API5: variants seen among roughly 807,000 people sequenced by gnomAD.
API5 encodes apoptosis inhibitor 5.
In API5, 6 loss-of-function variants were observed where a neutral mutation model predicts 71.9. The ratio of observed to expected loss-of-function variants is 0.08; its 90% CI spans 0.05 to 0.16. API5 has a LOEUF of 0.16. API5 is among the 10% of genes least tolerant of loss of function. The probability of loss-of-function intolerance (pLI) is 1.00; values close to 1 mark genes in which losing one functional copy is unlikely to be tolerated. For synonymous variants in API5, 189 were observed against 221.3 expected (o/e 0.85, Z 1.30); for missense variants, 332 against 612.8 (o/e 0.54, Z 4.84).
chr11:43,312,261 G>T, intron 1 of API5, 65 bp downstream of exon 1: 1 of 1,542,254 alleles, frequency 6.5e-7, no homozygotes, highest in Non-Finnish European at 8.9e-7. Context: ...AGCGCTTCCC[G>T]CCGCACTCCC....
intron 1 of API5, 85 bp from the exon 2 acceptor site, chr11:43,318,555 C>T (rs1854755422): frequency 3.2e-6 from 5 of 1,581,490 alleles, no homozygotes; most frequent in African/African-American, 2.7e-5. Context: ...ATTTAAAGCA[C>T]ACTCTAACAT....
intron 9 of API5, among the ~76,000 whole-genome samples, chr11:43,329,549 CAATG>C (rs1487752757): frequency 6.6e-6 from 1 of 152,092 alleles, no homozygotes; most frequent in Non-Finnish European, 1.5e-5. Flanking sequence ...TTTAATAAGA[CAATG>C]AATGTACAGC....
intron 10 of API5, 64 bp from the exon 11 acceptor site, chr11:43,330,444 C>T (rs2134368280): frequency 1.8e-6 from 2 of 1,136,886 alleles, no homozygotes; most frequent in East Asian, 2.4e-5. Flanking sequence ...AGTTCTATGA[C>T]AGAATGGATT....
chr11:43,342,857 A>G lies in API5; in HGVS notation c.*347A>G. On this transcript the variant is annotated 3_prime_UTR_variant, in exon 14 of 14. Transcript: ENST00000531273. ...ATTCAGTCTAGTTCTGCTGATAAAG[A>G]TCATCAGTTTTGAAAGGTTACTGAT... is the stretch of plus-strand genomic sequence containing the variant. 1.8e-6 allele frequency: 1 copy of G among 547,562 alleles called. No homozygotes were observed. The highest frequency in any genetic ancestry group is 3.2e-6 in the Non-Finnish European group (1 of 311,252). 33.9% of individuals were successfully genotyped at this position (547,562 alleles called of 1,614,324 possible). A position where few individuals can be genotyped will look rare whatever the true frequency, so the allele number is the denominator to read the frequency against.
At chr11:43,318,479 G>A in intron 1 of API5, 161 bp from the exon 2 acceptor site, 2 of 1,536,970 alleles carry the variant, frequency 1.3e-6, no homozygotes, top group South Asian at 1.2e-5. Context: ...ACGGAATTGG[G>A]AAGGTAAGTG....
Position 43,330,530 on chromosome 11 carries a change from T to G in API5, c.1244T>G (p.Leu415Trp). The G allele has an allele frequency of 6.2e-7, 1 of 1,600,116 alleles. No homozygotes were observed. The highest frequency in any genetic ancestry group is 8.6e-7 in the Non-Finnish European group (1 of 1,167,892). ...TAGAACAAGATTAAAGTCGTTGCAT[T>G]GAAAATAACAAACAATATCAATGTT... is the stretch of plus-strand genomic sequence containing the variant. ...TEENKIKVVALKITNNINVLI... is the reference protein window; with the variant it reads ...TEENKIKVVAWKITNNINVLI... The change falls in exon 11 of 14, where the codon TTG (leucine) becomes TGG (tryptophan). Residue 415 changes from leucine to tryptophan, a missense_variant. Around this residue, in one of 3 missense-constraint regions of API5, gnomAD observed 168 missense variants for 343.9 expected, o/e 0.49. Transcript: ENST00000531273.
At chr11:43,333,423 A>G (rs908481574) in intron 11 of API5, among the ~76,000 whole-genome samples, 1 of 152,160 alleles carries the variant, frequency 6.6e-6, no homozygotes, top group Non-Finnish European at 1.5e-5. Context: ...TAGTATGGGG[A>G]AAAATGAGGA....
At chr11:43,334,877 T>C (rs137922036) in intron 11 of API5, among the ~76,000 whole-genome samples, 26 of 152,322 alleles carry the variant, frequency 1.7e-4, no homozygotes, top group Non-Finnish European at 3.8e-4. Context: ...TTTTTCTAAT[T>C]TTGAACCACT....
chr11:43,321,302 T>C, intron 3 of API5, 109 bp from the exon 4 acceptor site: 1 of 921,174 alleles, frequency 1.1e-6, no homozygotes, highest in Non-Finnish European at 1.7e-6. Context: ...AAGTTATAAG[T>C]TTCCTGTCAA....
intron 8 of API5, 78 bp downstream of exon 8, chr11:43,327,956 A>G: frequency 1.2e-6 from 1 of 868,368 alleles, no homozygotes; most frequent in Middle Eastern, 2.3e-4. Context: ...TCTAGATTAC[A>G]AGAACCAGTT....
intron 3 of API5, 71 bp downstream of exon 3, chr11:43,320,985 G>T: frequency 7.6e-7 from 1 of 1,310,678 alleles, no homozygotes; most frequent in Non-Finnish European, 1.1e-6. Flanking sequence ...TCTGTTTTTA[G>T]GTTTTAAATG....
intron 13 of API5, chr11:43,339,437 A>G (rs1168826773): frequency 6.6e-6 from 1 of 152,208 alleles, no homozygotes; most frequent in Non-Finnish European, 1.5e-5. Flanking sequence ...AAGAGATTTG[A>G]TCTCATTTAC....
In API5 at chr11:43,330,051, C is replaced by T. The variant is rs192394283; in HGVS notation, c.1214C>T (p.Thr405Ile). Residue 405 changes from threonine to isoleucine, a missense_variant, in exon 10 of 14, where the codon ACA becomes ATA. Physicochemically the swap from Thr to Ile is moderately conservative, Grantham distance 89. This residue lies in a region of API5 where 168 missense variants were observed against 343.9 expected (regional missense o/e 0.49). Transcript: ENST00000531273. The part of the protein sequence containing the change: ...LQGKTGEALK[T>I]EENKIKVVAL... ...GGTAAAACGGGTGAGGCCTTAAAAACAGAAGAGGTAAGAATACTGGCTCAC... is the reference window on the plus strand; with the variant it reads ...GGTAAAACGGGTGAGGCCTTAAAAATAGAAGAGGTAAGAATACTGGCTCAC... 1 of 1,613,112 alleles carries T rather than the reference C, an allele frequency of 6.2e-7. No homozygotes were observed. The highest frequency in any genetic ancestry group is 8.5e-7 in the Non-Finnish European group (1 of 1,179,236).
chr11:43,337,007 C>CAAAAAAA (rs559170436), intron 13 of API5, among the ~76,000 whole-genome samples: 9 of 66,800 alleles, frequency 1.3e-4, no homozygotes, highest in Non-Finnish European at 1.7e-4. Context: ...GACTCCGTCT[C>CAAAAAAA]AAAAAAAAAA....
intron 5 of API5, 48 bp from the exon 6 acceptor site, chr11:43,323,382 C>T: frequency 6.8e-7 from 1 of 1,460,220 alleles, no homozygotes; most frequent in South Asian, 1.2e-5. Context: ...TTGATCTGTC[C>T]CATTCAAATG....
At chr11:43,339,019 G>A (rs1413168039) in intron 13 of API5, among the ~76,000 whole-genome samples, 3 of 152,138 alleles carry the variant, frequency 2.0e-5, no homozygotes. Context: ...TGCCCTCAGA[G>A]AAACCACCTC....
Position 43,321,452 on chromosome 11 carries a change from A to C in API5, c.367A>C (p.Ser123Arg). 6.2e-7 allele frequency: 1 copy of C among 1,611,420 alleles called. No homozygotes were observed. Among genetic ancestry groups the C allele is most frequent in the Non-Finnish European group, 8.5e-7 (1 of 1,178,506 alleles). Residue 123 changes from serine to arginine, a missense_variant, in exon 4 of 14, where the codon AGT becomes CGT. Physicochemically the swap from Ser to Arg is moderately radical, Grantham distance 110. Around this residue, in one of 3 missense-constraint regions of API5, gnomAD observed 127 missense variants for 237.6 expected, o/e 0.53. Coordinates refer to ENST00000531273, the MANE Select transcript of API5 (RefSeq NM_001142930.2). ...TAACCTAGTGAACAATGCCCTATTA[A>C]GTATATTTAAAATGGATGCAAAAGG... ...EFNLVNNALLSIFKMDAKGTL... is the reference protein window; with the variant it reads ...EFNLVNNALLRIFKMDAKGTL...
At chr11:43,330,940 A>C (rs984739603) in intron 11 of API5, among the ~76,000 whole-genome samples, 1 of 152,196 alleles carries the variant, frequency 6.6e-6, no homozygotes, top group South Asian at 2.1e-4. Flanking sequence ...TTACTTTTCA[A>C]TTCTGTTTAC....
chr11:43,343,970 G>A lies in API5; in HGVS notation c.*1460G>A, dbSNP rs1372171790. On this transcript the variant is annotated 3_prime_UTR_variant, in exon 14 of 14. Transcript: ENST00000531273. ...CCTTTATTAGAATTACTGCACATGTGTATGGGGAAAATAGTTCTGAAAGGC... is the reference window on the plus strand; with the variant it reads ...CCTTTATTAGAATTACTGCACATGTATATGGGGAAAATAGTTCTGAAAGGC... 2.0e-5 allele frequency: 3 copies of A among 152,632 alleles called. No individual in the cohort carries two copies. The highest frequency in any genetic ancestry group is 2.9e-5 in the Non-Finnish European group (2 of 68,040). 9.5% of individuals were successfully genotyped at this position (152,632 alleles called of 1,614,324 possible).
Sources: allele counts gnomAD v4.1 joint callset (sites outside exome capture counted in the v4.1 genomes callset), GRCh38; gene constraint gnomAD v4.1.1; regional missense constraint gnomAD v4.1.1; transcripts MANE v1.5; gene names NCBI Gene and HGNC (gene_info 2026-07-23, HGNC 2026-07-21).